Variants in DEUP1 observed in about 807,000 individuals in gnomAD.
The protein encoded by DEUP1 is coiled-coil domain containing 67.
A neutral mutation model predicts 87.4 loss-of-function variants in DEUP1; 82 were observed. The observed-to-expected ratio is 0.94, with a 90% CI of 0.78 to 1.13. The LOEUF (loss-of-function observed/expected upper bound fraction) is 1.13, where lower values mean the gene tolerates loss of function less well. DEUP1 is among the 50% of genes most tolerant of loss of function. The probability of loss-of-function intolerance (pLI) is 0.00; values close to 1 mark genes in which losing one functional copy is unlikely to be tolerated. For missense variants in DEUP1, 663 were observed against 681.5 expected (o/e 0.97, Z 0.30); for synonymous variants, 214 against 222.7 (o/e 0.96, Z 0.35).
intron 13 of DEUP1, among the ~76,000 whole-genome samples, chr11:93,433,657 A>C (rs1035574593): frequency 6.6e-6 from 1 of 152,230 alleles, no homozygotes; most frequent in African/African-American, 2.4e-5. Flanking sequence ...CTAGGAAGTC[A>C]TCTCTCTGAG....
chr11:93,433,717 G>A (rs536807529), intron 13 of DEUP1, among the ~76,000 whole-genome samples: 5 of 152,130 alleles, frequency 3.3e-5, no homozygotes, highest in Admixed American at 6.5e-5. Flanking sequence ...GCGATTTACC[G>A]AGGGAGTATT....
At chr11:93,388,003 A>T (rs1278796978) in intron 8 of DEUP1, among the ~76,000 whole-genome samples, 2 of 152,172 alleles carry the variant, frequency 1.3e-5, no homozygotes, top group East Asian at 3.8e-4. Flanking sequence ...ACAGCAGTAT[A>T]TTATACTCTG....
Position 93,437,751 on chromosome 11 carries a change from C to A in DEUP1, c.*32C>A, listed in dbSNP as rs778188146. 8 of 1,045,274 alleles carry A rather than the reference C, an allele frequency of 7.7e-6. No homozygotes were observed. The highest frequency in any genetic ancestry group is 1.1e-5 in the Non-Finnish European group (8 of 723,370). 64.7% of individuals were successfully genotyped at this position (1,045,274 alleles called of 1,614,324 possible). On this transcript the variant is annotated 3_prime_UTR_variant, in exon 14 of 14. Coordinates refer to ENST00000298050, the MANE Select transcript of DEUP1 (RefSeq NM_181645.4). ...AAACTTTTTTATTTGCTTCCCCCCCCCACCCCCGCCAAGAAAAAAAGCTCT... is the reference window on the plus strand; with the variant it reads ...AAACTTTTTTATTTGCTTCCCCCCCACACCCCCGCCAAGAAAAAAAGCTCT...
In DEUP1 at chr11:93,355,505, CA is replaced by C; in HGVS notation, c.167del (p.Asn56MetfsTer13). 6.2e-7 allele frequency: 1 copy of C among 1,613,650 alleles called. No individual in the cohort carries two copies. The highest frequency in any genetic ancestry group is 1.1e-5 in the South Asian group (1 of 91,038). On this transcript the variant is annotated frameshift_variant, in exon 3 of 14. Coordinates refer to ENST00000298050, the MANE Select transcript of DEUP1 (RefSeq NM_181645.4). LOFTEE classifies it high-confidence loss of function. ...TRLDLRDQEL[A>X]NAQTCLDQKG... Reference sequence around the variant, plus strand: ...TTAGATCTTCGGGATCAAGAATTGGCAAATGCACAAACTTGTTTGGATCAGA... The same window carrying C: ...TTAGATCTTCGGGATCAAGAATTGGCAATGCACAAACTTGTTTGGATCAGA...
chr11:93,404,294 G>A (rs978887487), intron 11 of DEUP1, among the ~76,000 whole-genome samples: 15 of 151,890 alleles, frequency 9.9e-5, no homozygotes, highest in African/African-American at 3.1e-4. Flanking sequence ...GCTTATCGTC[G>A]TAGGCTTTTT....
intron 2 of DEUP1, among the ~76,000 whole-genome samples, chr11:93,332,723 A>G (rs780581926): frequency 3.6e-4 from 55 of 152,244 alleles, no homozygotes; most frequent in Non-Finnish European, 7.5e-4. Flanking sequence ...AACATCATCA[A>G]GAACTAGATA....
chr11:93,419,673 G>A (rs1160177886), intron 13 of DEUP1, among the ~76,000 whole-genome samples: 2 of 151,952 alleles, frequency 1.3e-5, no homozygotes, highest in African/African-American at 4.8e-5. Flanking sequence ...AGTTTTAAAG[G>A]AGATTAAATA....
At chr11:93,421,444 A>G (rs1480586242) in intron 13 of DEUP1, among the ~76,000 whole-genome samples, 1 of 35,806 alleles carries the variant, frequency 2.8e-5, no homozygotes, top group Non-Finnish European at 5.9e-5. Flanking sequence ...GCTTAGGTAA[A>G]CAAAGCAGCC....
chr11:93,434,593 A>G (rs1948187340), intron 13 of DEUP1, among the ~76,000 whole-genome samples: 1 of 152,162 alleles, frequency 6.6e-6, no homozygotes, highest in South Asian at 2.1e-4. Flanking sequence ...GAGGAGCCCA[A>G]AGTGACCACA....
At chr11:93,362,603 A>G (rs1945227521) in intron 4 of DEUP1, among the ~76,000 whole-genome samples, 1 of 151,848 alleles carries the variant, frequency 6.6e-6, no homozygotes, top group South Asian at 2.1e-4. Flanking sequence ...TGTGAATGGG[A>G]ATGGAAAATG....
chr11:93,404,806 A>C (rs1018027875), intron 11 of DEUP1, among the ~76,000 whole-genome samples: 1 of 152,072 alleles, frequency 6.6e-6, no homozygotes, highest in South Asian at 2.1e-4. Context: ...CATTAGAAAC[A>C]CAAGAGGTGG....
intron 2 of DEUP1, among the ~76,000 whole-genome samples, chr11:93,353,455 G>A (rs778772681): frequency 6.6e-6 from 1 of 152,170 alleles, no homozygotes; most frequent in Non-Finnish European, 1.5e-5. Context: ...TCTGGGGTCT[G>A]GAGGACAGTG....
chr11:93,412,053 T>C (rs1377138883), intron 12 of DEUP1, among the ~76,000 whole-genome samples: 1 of 152,140 alleles, frequency 6.6e-6, no homozygotes, highest in Non-Finnish European at 1.5e-5. Context: ...GTTCATGGAA[T>C]AGGGAGTTTA....
chr11:93,398,215 A>T (rs1430419596), intron 11 of DEUP1, among the ~76,000 whole-genome samples: 1 of 152,172 alleles, frequency 6.6e-6, no homozygotes. Flanking sequence ...ATCCCTTGGA[A>T]TCTTTCCAAG....
chr11:93,333,837 A>T (rs1455100797), intron 2 of DEUP1, among the ~76,000 whole-genome samples: 2 of 152,194 alleles, frequency 1.3e-5, no homozygotes, highest in African/African-American at 4.8e-5. Context: ...TGGTATCCAT[A>T]GCAGAGCCAG....
At chr11:93,333,888 G>A (rs1201181953) in intron 2 of DEUP1, among the ~76,000 whole-genome samples, 1 of 152,176 alleles carries the variant, frequency 6.6e-6, no homozygotes, top group African/African-American at 2.4e-5. Flanking sequence ...TCCCTGGTGT[G>A]ATGATAGCAC....
chr11:93,365,346 C>G (rs1056605186), intron 5 of DEUP1, among the ~76,000 whole-genome samples: 2 of 152,056 alleles, frequency 1.3e-5, no homozygotes, highest in African/African-American at 4.8e-5. Context: ...AACAAACTTA[C>G]CATCACTAAG....
chr11:93,335,532 T>C (rs1477041947), intron 2 of DEUP1, among the ~76,000 whole-genome samples: 2 of 152,254 alleles, frequency 1.3e-5, no homozygotes, highest in Non-Finnish European at 2.9e-5. Context: ...CTAGTCCTTC[T>C]TGTATTACTA....
Position 93,411,307 on chromosome 11 carries a change from A to G in DEUP1, c.1523+2880A>G, listed in dbSNP as rs979448141. On this transcript the variant is annotated intron_variant, in intron 12 of 13. Transcript: ENST00000298050. Reference sequence around the variant, plus strand: ...ATGGCTAATGCAGTGAGGTCTTGTTAAAGTATTTGAGGAAGGAAAAAGCAT... The same window carrying G: ...ATGGCTAATGCAGTGAGGTCTTGTTGAAGTATTTGAGGAAGGAAAAAGCAT... 11 of 152,344 alleles carry G rather than the reference A, an allele frequency of 7.2e-5. No homozygotes were observed. The South Asian group carries it at 1.2e-3, about 17-fold the overall frequency. 9.4% of individuals were successfully genotyped at this position (152,344 alleles called of 1,614,324 possible).
Sources: gnomAD v4.1 joint callset for allele counts (sites outside exome capture counted in the v4.1 genomes callset) on GRCh38, gnomAD v4.1.1 for gene constraint, MANE v1.5 for transcripts, NCBI Gene and HGNC (gene_info 2026-07-23, HGNC 2026-07-21) for gene names.